The following AARD variants were observed in gnomAD, a reference collection of about 807,000 sequenced individuals.
AARD encodes the protein alanine- and arginine-rich domain-containing protein.
In AARD, 9 loss-of-function variants were observed where a neutral mutation model predicts 9.3. The observed-to-expected ratio is 0.97, with a 90% confidence interval of 0.58 to 1.69. The LOEUF (loss-of-function observed/expected upper bound fraction) is 1.69. Ranked by LOEUF, AARD falls within the 40% of genes most tolerant of loss-of-function variation. The pLI is 0.00. For synonymous variants in AARD, 91 were observed against 93.8 expected (o/e 0.97, Z 0.17); for missense variants, 236 against 210.3 (o/e 1.12, Z -0.76).
rs765753582 is a variant in AARD, at chr8:116,938,389, C to A, written c.146C>A (p.Ala49Asp). ...AGGAGCACGGACATCCAGGAGGAGGCCCTCGCCGCCAGCCCGCTGCTGGAG... is the reference window on the plus strand; with the variant it reads ...AGGAGCACGGACATCCAGGAGGAGGACCTCGCCGCCAGCCCGCTGCTGGAG... ...DGRSTDIQEE[A>D]LAASPLLEDL... Residue 49 changes from alanine (A) to aspartate (D), a missense_variant, in exon 1 of 2, where the codon GCC becomes GAC. Transcript: ENST00000378279. 1 of 1,612,298 alleles carries A rather than the reference C, an allele frequency of 6.2e-7. No individual in the cohort carries two copies.
At chr8:116,938,759 G>A in intron 1 of AARD, 192 bp downstream of exon 1, 1 of 807,220 alleles carries the variant, frequency 1.2e-6, no homozygotes, top group Non-Finnish European at 1.8e-6. Context: ...CATGGTGGGG[G>A]GTGGGGGCGG....
At chr8:116,942,270 G>T (rs1292719118) in intron 1 of AARD, among the ~76,000 whole-genome samples, 1 of 152,162 alleles carries the variant, frequency 6.6e-6, no homozygotes, top group Non-Finnish European at 1.5e-5. Flanking sequence ...AGCCTTCGGT[G>T]CATAGGTATT....
chr8:116,942,513 C>T, intron 1 of AARD, 45 bp from the exon 2 acceptor site: 3 of 1,521,548 alleles, frequency 2.0e-6, no homozygotes, highest in Non-Finnish European at 2.7e-6. Context: ...TTCATTTGAT[C>T]TGCATCTCAG....
rs1338036464 is a variant in AARD, at chr8:116,942,736, C to T, written c.*35C>T. 5.6e-6 allele frequency: 9 copies of T among 1,602,150 alleles called. No homozygotes were observed. Among genetic ancestry groups the T allele is most frequent in the Middle Eastern group, 1.7e-4 (1 of 6,024 alleles). ...CACGCAAGGGCTGGGCGCGGTGGCT[C>T]ACGCCTGTAATCCCAGCACTTTGGG... On this transcript the variant is annotated 3_prime_UTR_variant, in exon 2 of 2. Coordinates refer to ENST00000378279, the MANE Select transcript of AARD (RefSeq NM_001025357.3).
At chr8:116,939,762 G>T (rs550998556) in intron 1 of AARD, among the ~76,000 whole-genome samples, 1 of 152,342 alleles carries the variant, frequency 6.6e-6, no homozygotes, top group Admixed American at 6.5e-5. Flanking sequence ...TTTTCACCCT[G>T]AGTCTAAGCA....
At position 116,943,729 on chromosome 8, in the gene AARD, G is replaced by T. The variant is rs187337598; in HGVS notation, c.*1028G>T. The T allele has an allele frequency of 5.9e-5, 9 of 152,228 alleles. No individual in the cohort carries two copies. Among genetic ancestry groups the T allele is most frequent in the Non-Finnish European group, 1.0e-4 (7 of 68,036 alleles). The allele number at this position is 152,228 out of a possible 1,614,324, so 9.4% of individuals were successfully genotyped here. On this transcript the variant is annotated 3_prime_UTR_variant, in exon 2 of 2. Transcript: ENST00000378279. ...GGGAGGGAGGGTGCTTCGCTTCCTT[G>T]TTCCTGGGGTCAAGCTGTATAAGAC...
chr8:116,939,162 T>C (rs555696569), intron 1 of AARD, among the ~76,000 whole-genome samples: 1 of 152,264 alleles, frequency 6.6e-6, no homozygotes, highest in Non-Finnish European at 1.5e-5. Flanking sequence ...ACACAATGAA[T>C]AGGAGCAATC....
intron 1 of AARD, 113 bp downstream of exon 1, chr8:116,938,680 G>T: frequency 7.5e-7 from 1 of 1,325,260 alleles, no homozygotes; most frequent in Non-Finnish European, 9.7e-7. Flanking sequence ...GGGCCCCTCA[G>T]GTCTGGACAC....
At chr8:116,939,965 A>C (rs1813726058) in intron 1 of AARD, among the ~76,000 whole-genome samples, 1 of 152,242 alleles carries the variant, frequency 6.6e-6, no homozygotes, top group Admixed American at 6.5e-5. Context: ...ATTACACTGA[A>C]TAAGCTCAGA....
rs55952851 is a variant in AARD, at chr8:116,942,999, CAAAA to C, written c.*317_*320del. ...TGGGTGACAGAGCAAGACTCCATCT[CAAAA>C]AAAAAAAAAAAAAAAAAAGCACACG... On this transcript the variant is annotated 3_prime_UTR_variant, in exon 2 of 2. Coordinates refer to ENST00000378279, the MANE Select transcript of AARD (RefSeq NM_001025357.3). The C allele has an allele frequency of 7.4e-5, 3 of 40,518 alleles. No individual in the cohort carries two copies. Among genetic ancestry groups the C allele is most frequent in the Non-Finnish European group, 1.0e-4 (2 of 19,248 alleles). The allele number at this position is 40,518 out of a possible 1,614,324, so 2.5% of individuals were successfully genotyped here.
In AARD at chr8:116,944,396, G is replaced by C. The variant is rs1370643338; in HGVS notation, c.*1695G>C. Reference sequence around the variant, plus strand: ...TGCAGTGAGCCGAGATCATGCCCCTGCACTCCAGCCTGGGTGACAGAGGGG... The same window carrying C: ...TGCAGTGAGCCGAGATCATGCCCCTCCACTCCAGCCTGGGTGACAGAGGGG... On this transcript the variant is annotated 3_prime_UTR_variant, in exon 2 of 2. Coordinates refer to ENST00000378279, the MANE Select transcript of AARD (RefSeq NM_001025357.3). The C allele has an allele frequency of 6.6e-6, 1 of 152,190 alleles. No individual in the cohort carries two copies. Among genetic ancestry groups the C allele is most frequent in the Non-Finnish European group, 1.5e-5 (1 of 68,050 alleles). 9.4% of individuals were successfully genotyped at this position (152,190 alleles called of 1,614,324 possible). A position where few individuals can be genotyped will look rare whatever the true frequency, so the allele number is the denominator to read the frequency against.
At chr8:116,939,074 A>G (rs1385828646) in intron 1 of AARD, among the ~76,000 whole-genome samples, 1 of 152,212 alleles carries the variant, frequency 6.6e-6, no homozygotes, top group Non-Finnish European at 1.5e-5. Flanking sequence ...ATTAAACAGG[A>G]GGGTGTATAG....
chr8:116,940,628 AGT>A lies in AARD; in HGVS notation c.325-1927_325-1926del, dbSNP rs541464248. Among the ~76,000 whole-genome samples, 291 of 152,344 alleles carry A rather than the reference AGT, an allele frequency of 1.9e-3. 4 individuals are homozygous for A. The highest frequency in any genetic ancestry group is 6.5e-3 in the African/African-American group (270 of 41,578). On this transcript the variant is annotated intron_variant, in intron 1 of 1. Coordinates refer to ENST00000378279, the MANE Select transcript of AARD (RefSeq NM_001025357.3). ...AGGAACTGACATATATTCCTATACA[AGT>A]GTACATGTATCATATATTAGGATGA...
intron 1 of AARD, chr8:116,938,819 G>A: frequency 2.0e-6 from 1 of 491,498 alleles, no homozygotes; most frequent in Non-Finnish European, 3.4e-6. Context: ...TCCCCAACCC[G>A]TTTCTATAGT....
At chr8:116,938,671 G>A (rs900323825) in intron 1 of AARD, 104 bp downstream of exon 1, 4 of 1,357,742 alleles carry the variant, frequency 2.9e-6, no homozygotes, top group Admixed American at 3.7e-5. Context: ...CGCCTTGGGG[G>A]GCCCCTCAGG....
rs142961465 is a variant in AARD, at chr8:116,938,360, C to T, written c.117C>T (p.Asp39=). The T allele has an allele frequency of 4.9e-5, 79 of 1,612,856 alleles. No individual in the cohort carries two copies. In the African/African-American group the frequency reaches 8.9e-4, roughly 18 times the overall value. ...PPRPACDFFG[D]GRSTDIQEEA... is the part of the protein sequence containing the mutation. ...GTCCCGCGTGCGACTTCTTCGGGGA[C>T]GGCAGGAGCACGGACATCCAGGAGG... Residue 39 remains aspartate (D), a synonymous_variant, in exon 1 of 2, where the codon GAC becomes GAT. Coordinates refer to ENST00000378279, the MANE Select transcript of AARD (RefSeq NM_001025357.3).
chr8:116,939,076 G>T (rs1201854696), intron 1 of AARD, among the ~76,000 whole-genome samples: 1 of 152,024 alleles, frequency 6.6e-6, no homozygotes, highest in African/African-American at 2.4e-5. Flanking sequence ...TAAACAGGAG[G>T]GTGTATAGGT....
chr8:116,939,588 C>T (rs111560272), intron 1 of AARD, among the ~76,000 whole-genome samples: 1,765 of 152,236 alleles, frequency 0.012, 35 homozygotes, highest in African/African-American at 0.041. Flanking sequence ...GCTGAGATTG[C>T]GCCATTGCAC....
At position 116,938,281 on chromosome 8, in the gene AARD, T is replaced by C; in HGVS notation, c.38T>C (p.Ile13Thr). Residue 13 changes from isoleucine (I) to threonine (T), a missense_variant, in exon 1 of 2, where the codon ATT becomes ACT. Coordinates refer to ENST00000378279, the MANE Select transcript of AARD (RefSeq NM_001025357.3). ...GACTTCCGCCGCTGCAGAGAGAGAA[T>C]TTCCCAGGGGCTCCAGGGACTCCCA... ...PGDFRRCRERISQGLQGLPGR... is the reference protein window; with the variant it reads ...PGDFRRCRERTSQGLQGLPGR... The C allele has an allele frequency of 6.2e-7, 1 of 1,604,852 alleles. No homozygotes were observed.
Sources: allele counts gnomAD v4.1 joint callset (sites outside exome capture counted in the v4.1 genomes callset), GRCh38; gene constraint gnomAD v4.1.1; transcripts MANE v1.5; gene names NCBI Gene and HGNC (gene_info 2026-07-23, HGNC 2026-07-21).